Variants in APLF observed in about 807,000 individuals in gnomAD.
APLF encodes the protein aprataxin and PNK-like factor.
In APLF, 61 loss-of-function variants were observed where a neutral mutation model predicts 55.6. The observed-to-expected ratio is 1.10, with a 90% CI of 0.89 to 1.36. APLF has a LOEUF of 1.36. APLF is among the 40% of genes most tolerant of loss of function. APLF has a pLI of 0.00. For missense variants in APLF, 611 were observed against 602.5 expected (o/e 1.01, Z -0.15); for synonymous variants, 207 against 214.8 (o/e 0.96, Z 0.32).
At position 68,545,242 on chromosome 2, in the gene APLF, G is replaced by A; in HGVS notation, c.1216G>A (p.Gly406Ser). The A allele has an allele frequency of 6.2e-7, 1 of 1,613,766 alleles. No individual in the cohort carries two copies. Among genetic ancestry groups the A allele is most frequent in the Non-Finnish European group, 8.5e-7 (1 of 1,179,830 alleles). ...CCATCCTGGTGATAGTGATTATGGA[G>A]GTGTACAAATCGTGGGCCAAGATGA... Reference protein sequence around the residue: ...FSHPGDSDYGGVQIVGQDETD... With the variant: ...FSHPGDSDYGSVQIVGQDETD... Residue 406 changes from glycine to serine, a missense_variant, in exon 8 of 10, where the codon GGT (glycine) becomes AGT (serine). Physicochemically the swap from Gly to Ser is moderately conservative, Grantham distance 56. Coordinates refer to ENST00000303795, the MANE Select transcript of APLF (RefSeq NM_173545.3).
chr2:68,545,284 G>A lies in APLF; in HGVS notation c.1258G>A (p.Glu420Lys), dbSNP rs1670673028. The change falls in exon 8 of 10, where the codon GAA becomes AAA. Residue 420 changes from glutamate to lysine, a missense_variant. Coordinates refer to ENST00000303795, the MANE Select transcript of APLF (RefSeq NM_173545.3). Reference protein sequence around the residue: ...VGQDETDDRPECPYGPSCYRK... With the variant: ...VGQDETDDRPKCPYGPSCYRK... ...CCAAGATGAGACTGATGACCGGCCTGAATGTCCCTATGGACCATCCTGTTA... is the reference window on the plus strand; with the variant it reads ...CCAAGATGAGACTGATGACCGGCCTAAATGTCCCTATGGACCATCCTGTTA... 6.2e-7 allele frequency: 1 copy of A among 1,613,824 alleles called. No individual in the cohort carries two copies. Among genetic ancestry groups the A allele is most frequent in the African/African-American group, 1.3e-5 (1 of 75,026 alleles).
At chr2:68,504,397 A>G (rs762027963) in intron 3 of APLF, among the ~76,000 whole-genome samples, 4 of 151,938 alleles carry the variant, frequency 2.6e-5, no homozygotes, top group Non-Finnish European at 5.9e-5. Flanking sequence ...TAAAGTATTT[A>G]CAAATCAAAT....
chr2:68,505,947 T>G (rs1676863108), intron 3 of APLF, among the ~76,000 whole-genome samples: 1 of 151,986 alleles, frequency 6.6e-6, no homozygotes, highest in African/African-American at 2.4e-5. Flanking sequence ...TTGGTTTTCC[T>G]AACAACCAGC....
At chr2:68,494,166 C>T (rs1436789172) in intron 2 of APLF, among the ~76,000 whole-genome samples, 1 of 147,862 alleles carries the variant, frequency 6.8e-6, no homozygotes, top group Non-Finnish European at 1.5e-5. Flanking sequence ...ATCTCAGTTA[C>T]TCGGGAGGCT....
chr2:68,522,809 A>G (rs1165971988), intron 5 of APLF, among the ~76,000 whole-genome samples: 1 of 151,980 alleles, frequency 6.6e-6, no homozygotes, highest in Non-Finnish European at 1.5e-5. Flanking sequence ...CATTTTGAAG[A>G]AAATAATGTT....
intron 1 of APLF, among the ~76,000 whole-genome samples, chr2:68,483,805 G>A (rs1022701355): frequency 2.6e-5 from 4 of 151,978 alleles, no homozygotes; most frequent in Non-Finnish European, 5.9e-5. Flanking sequence ...ACTATTTTCT[G>A]TTCTTATATG....
rs1675469816 is a variant in APLF, at chr2:68,467,663, CGT to C, written c.-66_-65del. The C allele has an allele frequency of 1.2e-5, 14 of 1,181,526 alleles. No homozygotes were observed. The highest frequency in any genetic ancestry group is 1.2e-5 in the Non-Finnish European group (11 of 940,070). 73.2% of individuals were successfully genotyped at this position (1,181,526 alleles called of 1,614,324 possible). A position where few individuals can be genotyped will look rare whatever the true frequency, so the allele number is the denominator to read the frequency against. On this transcript the variant is annotated 5_prime_UTR_variant, in exon 1 of 10. Coordinates refer to ENST00000303795, the MANE Select transcript of APLF (RefSeq NM_173545.3). ...TCCCAGGGCGTGGGCTTGCCCCGCG[CGT>C]GTCTGTGGAGGGCGGAAACAGCGGA...
intron 2 of APLF, 100 bp downstream of exon 2, chr2:68,490,361 A>AAT (rs1361871067): frequency 1.1e-6 from 1 of 873,540 alleles, no homozygotes. Flanking sequence ...ATAGGGAATT[A>AAT]ATGTCAGAAT....
At chr2:68,481,877 G>T (rs1211472273) in intron 1 of APLF, among the ~76,000 whole-genome samples, 1 of 151,810 alleles carries the variant, frequency 6.6e-6, no homozygotes, top group Admixed American at 6.6e-5. Flanking sequence ...ATATAGTCTG[G>T]TGAAGGCTTG....
intron 8 of APLF, among the ~76,000 whole-genome samples, chr2:68,559,757 T>G (rs1396668262): frequency 6.6e-6 from 1 of 152,270 alleles, no homozygotes; most frequent in East Asian, 1.9e-4. Context: ...TGCAGTAGTT[T>G]CCCGATATCC....
intron 9 of APLF, among the ~76,000 whole-genome samples, chr2:68,570,963 T>C (rs1432126850): frequency 2.6e-5 from 4 of 152,178 alleles, no homozygotes; most frequent in Non-Finnish European, 4.4e-5. Flanking sequence ...ACCTGTTGTT[T>C]CCTGACTTTT....
chr2:68,578,373 T>TG lies in APLF; in HGVS notation c.*353dup. 1 of 1,025,278 alleles carries TG rather than the reference T, an allele frequency of 9.8e-7. No homozygotes were observed. The highest frequency in any genetic ancestry group is 1.2e-6 in the Non-Finnish European group (1 of 854,236). 63.5% of individuals were successfully genotyped at this position (1,025,278 alleles called of 1,614,324 possible). A position where few individuals can be genotyped will look rare whatever the true frequency, so the allele number is the denominator to read the frequency against. On this transcript the variant is annotated 3_prime_UTR_variant, in exon 10 of 10. Transcript: ENST00000303795. ...TTTTTAAATTTTTTTCCAAAGATTA[T>TG]GGAGTACTCTGCAAGTATAACCAGG...
chr2:68,572,592 C>G (rs1671499573), intron 9 of APLF, among the ~76,000 whole-genome samples: 1 of 152,150 alleles, frequency 6.6e-6, no homozygotes, highest in African/African-American at 2.4e-5. Flanking sequence ...TCCCAGCACT[C>G]TGGGAGGCCA....
At chr2:68,533,471 G>A (rs1670313034) in intron 6 of APLF, among the ~76,000 whole-genome samples, 1 of 152,058 alleles carries the variant, frequency 6.6e-6, no homozygotes, top group African/African-American at 2.4e-5. Context: ...ACTCTTAGTG[G>A]CTTAACACAA....
intron 6 of APLF, among the ~76,000 whole-genome samples, chr2:68,536,965 G>A (rs1215510090): frequency 2.0e-5 from 3 of 152,000 alleles, no homozygotes; most frequent in African/African-American, 4.8e-5. Flanking sequence ...TCAGGAGTTC[G>A]AGACCAGCTT....
At chr2:68,519,130 T>C (rs938108712) in intron 5 of APLF, among the ~76,000 whole-genome samples, 5 of 126,744 alleles carry the variant, frequency 3.9e-5, no homozygotes, top group Non-Finnish European at 6.3e-5. Flanking sequence ...AAACATATAA[T>C]TTGACATTTT....
At chr2:68,474,849 A>C (rs1452802550) in intron 1 of APLF, among the ~76,000 whole-genome samples, 1 of 152,126 alleles carries the variant, frequency 6.6e-6, no homozygotes, top group Non-Finnish European at 1.5e-5. Flanking sequence ...TGTATTTTTA[A>C]TAGAGACACG....
chr2:68,545,541 A>G (rs1364164362), intron 8 of APLF, among the ~76,000 whole-genome samples: 4 of 152,126 alleles, frequency 2.6e-5, no homozygotes, highest in Non-Finnish European at 4.4e-5. Flanking sequence ...CTTATTTCCA[A>G]CTTTCTGTAA....
At chr2:68,502,686 T>G in intron 2 of APLF, 45 bp from the exon 3 acceptor site, 1 of 1,159,314 alleles carries the variant, frequency 8.6e-7, no homozygotes, top group Non-Finnish European at 1.1e-6. Context: ...ATTATTGTAT[T>G]ATATTCTTTT....
Sources: allele counts gnomAD v4.1 joint callset (sites outside exome capture counted in the v4.1 genomes callset), GRCh38; gene constraint gnomAD v4.1.1; transcripts MANE v1.5; gene names NCBI Gene and HGNC (gene_info 2026-07-23, HGNC 2026-07-21).